PPP2R5A: variants seen among roughly 807,000 people sequenced by gnomAD.
The protein encoded by PPP2R5A is serine/threonine-protein phosphatase 2A 56 kDa regulatory subunit alpha isoform.
In PPP2R5A, 25 loss-of-function variants were observed where a neutral mutation model predicts 64.2. That is an observed-to-expected ratio of 0.39 (90% confidence interval 0.28 to 0.54). The LOEUF (loss-of-function observed/expected upper bound fraction) is 0.54. PPP2R5A is among the 20% of genes least tolerant of loss of function. The pLI, the probability that PPP2R5A is intolerant of heterozygous loss-of-function variation, is 0.67. For missense variants in PPP2R5A, 425 were observed against 576.3 expected, an observed-to-expected ratio of 0.74 and a Z score of 2.69; for synonymous variants, 198 against 201.2, an observed-to-expected ratio of 0.98 and a Z score of 0.13.
chr1:212,307,670 A>G (rs1002092856), intron 1 of PPP2R5A, among the ~76,000 whole-genome samples: 11 of 152,200 alleles, frequency 7.2e-5, no homozygotes, highest in Non-Finnish European at 1.6e-4. Flanking sequence ...TTATAGTTAC[A>G]TAATTATCTT....
chr1:212,300,840 C>T (rs1658787961), intron 1 of PPP2R5A, among the ~76,000 whole-genome samples: 1 of 151,988 alleles, frequency 6.6e-6, no homozygotes, highest in African/African-American at 2.4e-5. Flanking sequence ...ATGTGAATCT[C>T]TTGGAAAATC....
chr1:212,307,442 C>T (rs550291034), intron 1 of PPP2R5A, among the ~76,000 whole-genome samples: 1 of 151,802 alleles, frequency 6.6e-6, no homozygotes, highest in Admixed American at 6.6e-5. Context: ...ATGTTACAAC[C>T]CCGAGAATAT....
chr1:212,318,746 C>CT (rs1462611522), intron 1 of PPP2R5A, among the ~76,000 whole-genome samples: 2 of 151,948 alleles, frequency 1.3e-5, no homozygotes, highest in African/African-American at 4.8e-5. Context: ...TATGTAGAGA[C>CT]TTTTTTTTCA....
At chr1:212,303,489 CT>C (rs1268562534) in intron 1 of PPP2R5A, among the ~76,000 whole-genome samples, 1 of 151,572 alleles carries the variant, frequency 6.6e-6, no homozygotes, top group African/African-American at 2.4e-5. Context: ...ATATAAGCCC[CT>C]TGTGTCTTTT....
intron 1 of PPP2R5A, among the ~76,000 whole-genome samples, chr1:212,326,466 G>A (rs886713375): frequency 1.3e-5 from 2 of 152,002 alleles, no homozygotes; most frequent in African/African-American, 4.8e-5. Context: ...GCGTGGTGGT[G>A]CAGGCCTGTA....
At chr1:212,321,801 G>T (rs888565042) in intron 1 of PPP2R5A, among the ~76,000 whole-genome samples, 7 of 151,638 alleles carry the variant, frequency 4.6e-5, no homozygotes, top group African/African-American at 1.7e-4. Context: ...CCGGGCAGAG[G>T]CTGCAATCTC....
At chr1:212,315,227 T>A (rs1354139304) in intron 1 of PPP2R5A, among the ~76,000 whole-genome samples, 1 of 152,202 alleles carries the variant, frequency 6.6e-6, no homozygotes, top group Non-Finnish European at 1.5e-5. Flanking sequence ...CTTGGAGAAT[T>A]TGTATTTGTA....
chr1:212,347,293 C>G (rs925582803), intron 5 of PPP2R5A, 54 bp from the exon 6 acceptor site: 52 of 1,283,056 alleles, frequency 4.1e-5, no homozygotes, highest in Non-Finnish European at 5.8e-5. Context: ...GCCTGTTTCT[C>G]TTAGTTTTCT....
At chr1:212,347,088 T>C (rs1158904039) in intron 5 of PPP2R5A, among the ~76,000 whole-genome samples, 1 of 152,238 alleles carries the variant, frequency 6.6e-6, no homozygotes, top group African/African-American at 2.4e-5. Flanking sequence ...TTAAGTTGAA[T>C]ATTCCAGGTG....
rs1030249753 is a variant in PPP2R5A, at chr1:212,297,075, TTTTC to T, written c.181+10788_181+10791del. ...AACCTTATCAAGAGAAATACGTTTC[TTTTC>T]TTTTTCTTTGCTTCTTCTTTTTTTT... On this transcript the variant is annotated intron_variant, in intron 1 of 12. Coordinates refer to ENST00000261461, the MANE Select transcript of PPP2R5A (RefSeq NM_006243.4). Among the ~76,000 whole-genome samples the T allele has an allele frequency of 1.1e-3, 168 of 149,930 alleles. 2 individuals carry two copies. The highest frequency in any genetic ancestry group is 1.1e-3 in the Non-Finnish European group (72 of 67,482).
chr1:212,300,873 TA>T (rs1211240648), intron 1 of PPP2R5A, among the ~76,000 whole-genome samples: 1 of 151,982 alleles, frequency 6.6e-6, no homozygotes. Flanking sequence ...TGTGCCGTTT[TA>T]AAAAATATAT....
intron 1 of PPP2R5A, chr1:212,309,534 TCTTTA>T (rs1172177359): frequency 4.1e-6 from 3 of 739,740 alleles, no homozygotes; most frequent in Non-Finnish European, 4.9e-6. Flanking sequence ...GAAAAGCCCT[TCTTTA>T]CTTCTTTAAT....
At chr1:212,327,431 C>T (rs948291067) in intron 1 of PPP2R5A, among the ~76,000 whole-genome samples, 9 of 152,046 alleles carry the variant, frequency 5.9e-5, no homozygotes, top group Admixed American at 5.2e-4. Context: ...CTTTTTAAAT[C>T]GAGACTTGAG....
At chr1:212,309,397 C>T (rs1043437676) in intron 1 of PPP2R5A, 47 of 1,433,512 alleles carry the variant, frequency 3.3e-5, no homozygotes, top group South Asian at 9.1e-5. Flanking sequence ...GGGTGACGTG[C>T]GGATCTTCTT....
At chr1:212,356,161 GT>G (rs1213216237) in intron 8 of PPP2R5A, among the ~76,000 whole-genome samples, 3 of 151,122 alleles carry the variant, frequency 2.0e-5, no homozygotes, top group South Asian at 2.1e-4. Flanking sequence ...GCTGTCCAGG[GT>G]TTTTTTTTGT....
Position 212,293,321 on chromosome 1 carries a change from G to A in PPP2R5A, c.181+7030G>A, listed in dbSNP as rs145081402. On this transcript the variant is annotated intron_variant, in intron 1 of 12. Coordinates refer to ENST00000261461, the MANE Select transcript of PPP2R5A (RefSeq NM_006243.4). ...TTGACTCCTAGACATGGACATGTGT[G>A]TATAAAATAACTGAAACAATTTGTT... is the stretch of plus-strand genomic sequence containing the variant. Among the ~76,000 whole-genome samples, 37 of 152,340 alleles carry A rather than the reference G, an allele frequency of 2.4e-4. No individual in the cohort carries two copies. In the East Asian group the frequency reaches 6.9e-3, roughly 29 times the overall value.
intron 1 of PPP2R5A, among the ~76,000 whole-genome samples, chr1:212,325,601 C>G (rs1659392022): frequency 6.6e-6 from 1 of 151,940 alleles, no homozygotes; most frequent in Non-Finnish European, 1.5e-5. Flanking sequence ...AGAACGCAGC[C>G]TCTCAAGATA....
chr1:212,290,925 G>A (rs2102409533), intron 1 of PPP2R5A, among the ~76,000 whole-genome samples: 1 of 152,260 alleles, frequency 6.6e-6, no homozygotes, highest in East Asian at 1.9e-4. Context: ...TAGTCTTTAA[G>A]GAGTTATTGC....
At chr1:212,309,298 T>G (rs951391538) in intron 1 of PPP2R5A, 34 of 1,531,024 alleles carry the variant, frequency 2.2e-5, no homozygotes, top group Non-Finnish European at 2.9e-5. Context: ...GATGATAGCA[T>G]AGTGGTCAAG....
Sources: gnomAD v4.1 joint callset for allele counts (sites outside exome capture counted in the v4.1 genomes callset) on GRCh38, gnomAD v4.1.1 for gene constraint, MANE v1.5 for transcripts, NCBI Gene and HGNC (gene_info 2026-07-23, HGNC 2026-07-21) for gene names.